The following KIRREL3 variants were observed in gnomAD, a reference collection of about 807,000 sequenced individuals.
KIRREL3 encodes kirre like nephrin family adhesion molecule 3, also known as kin of IRRE-like protein 3.
Under a neutral mutation model 89.7 loss-of-function variants are expected in KIRREL3, and 36 were observed. The ratio of observed to expected loss-of-function variants is 0.40; its 90% CI spans 0.31 to 0.53. The LOEUF (loss-of-function observed/expected upper bound fraction) is 0.53. Ranked by LOEUF, KIRREL3 falls within the 20% of genes least tolerant of loss-of-function variation. The pLI is 0.49. For synonymous variants in KIRREL3, 445 were observed against 441.4 expected, an observed-to-expected ratio of 1.01 and a Z score of -0.10; for missense variants, 864 against 1,056.6, an observed-to-expected ratio of 0.82 and a Z score of 2.53.
intron 5 of KIRREL3, among the ~76,000 whole-genome samples, chr11:126,469,235 T>C (rs1188142124): frequency 1.3e-5 from 2 of 152,232 alleles, no homozygotes; most frequent in Non-Finnish European, 2.9e-5. Context: ...TCATCCACCA[T>C]GTGACAGCCA....
rs569873770 is a variant in KIRREL3, at chr11:126,574,092, T to C, written c.56-11180A>G. On this transcript the variant is annotated intron_variant, in intron 1 of 16. Transcript: ENST00000525144. The surrounding 1 kb of genome is among the most constrained non-coding windows in gnomAD (Gnocchi z 5.3). The stretch of plus-strand genomic sequence containing the variant: ...GGACTAGAACATCGGTTGCGGAATG[T>C]GGAAACCAGGTTAACTGAGTATTAT... Among the ~76,000 whole-genome samples, 2 of 152,342 alleles carry C rather than the reference T, an allele frequency of 1.3e-5. No homozygotes were observed. The highest frequency in any genetic ancestry group is 4.8e-5 in the African/African-American group (2 of 41,578).
rs1006034371 is a variant in KIRREL3 at position 126,526,975 on chromosome 11, T to A, written c.134-288A>T. On this transcript the variant is annotated intron_variant, in intron 2 of 16. Transcript: ENST00000525144. This position sits in a 1 kb window ranked among gnomAD's most constrained non-coding sequence, Gnocchi z 5.7. ...CCCTATGGGCCATCTCCCTCCACCTTTGGGACGTGCCACTTCCCATGCATT... is the reference window on the plus strand; with the variant it reads ...CCCTATGGGCCATCTCCCTCCACCTATGGGACGTGCCACTTCCCATGCATT... 1.3e-5 allele frequency among the ~76,000 whole-genome samples: 2 copies of A among 152,148 alleles called. No individual in the cohort carries two copies. The highest frequency in any genetic ancestry group is 2.4e-5 in the African/African-American group (1 of 41,424).
At chr11:126,478,753 GTGTA>G (rs1591608183) in intron 4 of KIRREL3, among the ~76,000 whole-genome samples, 1 of 151,904 alleles carries the variant, frequency 6.6e-6, no homozygotes. Context: ...AAGTGTGTGT[GTGTA>G]TATGTGTGTG....
At chr11:126,864,571 G>A (rs906136908) in intron 1 of KIRREL3, among the ~76,000 whole-genome samples, 1 of 152,094 alleles carries the variant, frequency 6.6e-6, no homozygotes, top group African/African-American at 2.4e-5. Flanking sequence ...ACTGGTCTTG[G>A]GTAGTCTCCA....
intron 1 of KIRREL3, among the ~76,000 whole-genome samples, chr11:126,893,795 A>G (rs1946024416): frequency 2.0e-5 from 3 of 152,240 alleles, no homozygotes; most frequent in Admixed American, 1.3e-4. Flanking sequence ...CTTAACATTC[A>G]TAGTTTCATG....
At position 126,611,422 on chromosome 11, in the gene KIRREL3, C is replaced by G. The variant is rs567792072; in HGVS notation, c.56-48510G>C. 6.6e-6 allele frequency among the ~76,000 whole-genome samples: 1 copy of G among 152,278 alleles called. No individual in the cohort carries two copies. The highest frequency in any genetic ancestry group is 6.5e-5 in the Admixed American group (1 of 15,304). ...TGATTGATCCATCAGTCTGCATTCTCCTTGCCGTCCTTGGTATGCACACAC... is the reference window on the plus strand; with the variant it reads ...TGATTGATCCATCAGTCTGCATTCTGCTTGCCGTCCTTGGTATGCACACAC... On this transcript the variant is annotated intron_variant, in intron 1 of 16. Transcript: ENST00000525144. The surrounding 1 kb of genome is among the most constrained non-coding windows in gnomAD (Gnocchi z 4.7).
intron 4 of KIRREL3, among the ~76,000 whole-genome samples, chr11:126,478,052 C>T (rs897600408): frequency 3.3e-5 from 5 of 152,252 alleles, no homozygotes; most frequent in African/African-American, 1.2e-4. Context: ...TTACGGCCCT[C>T]GCTGCCCCTG....
chr11:126,639,618 ACT>A lies in KIRREL3; in HGVS notation c.56-76708_56-76707del, dbSNP rs1821037297. Reference sequence around the variant, plus strand: ...CTGGAGATGAGATCGGCTAATCCTGACTCTATTCTTTCGTCTGCTCTGCTAGC... The same window carrying A: ...CTGGAGATGAGATCGGCTAATCCTGACTATTCTTTCGTCTGCTCTGCTAGC... On this transcript the variant is annotated intron_variant, in intron 1 of 16. Coordinates refer to ENST00000525144, the MANE Select transcript of KIRREL3 (RefSeq NM_032531.4). This position sits in a 1 kb window ranked among gnomAD's most constrained non-coding sequence, Gnocchi z 4.3. 2.0e-5 allele frequency among the ~76,000 whole-genome samples: 3 copies of A among 152,044 alleles called. No homozygotes were observed. The highest frequency in any genetic ancestry group is 2.0e-4 in the Admixed American group (3 of 15,262).
At chr11:126,596,155 A>G (rs1202265840) in intron 1 of KIRREL3, among the ~76,000 whole-genome samples, 1 of 152,152 alleles carries the variant, frequency 6.6e-6, no homozygotes, top group Non-Finnish European at 1.5e-5. Flanking sequence ...CTGTTCACCA[A>G]TCTCGAGAGT....
At chr11:126,907,541 A>G (rs758936087) in intron 1 of KIRREL3, among the ~76,000 whole-genome samples, 4 of 152,218 alleles carry the variant, frequency 2.6e-5, no homozygotes, top group Non-Finnish European at 4.4e-5. Flanking sequence ...GTTGAGAAGC[A>G]TAAGAGAACT....
Position 126,981,550 on chromosome 11 carries a change from C to T in KIRREL3, c.55+18905G>A, listed in dbSNP as rs774891835. On this transcript the variant is annotated intron_variant, in intron 1 of 16. Transcript: ENST00000525144. This position sits in a 1 kb window ranked among gnomAD's most constrained non-coding sequence, Gnocchi z 4.2. ...TTCACTGAAATGAGATCTGCCTCTA[C>T]CACCCGACTCTATGAAGCAAAGGCA... is the stretch of plus-strand genomic sequence containing the variant. Among the ~76,000 whole-genome samples, 4 of 152,322 alleles carry T rather than the reference C, an allele frequency of 2.6e-5. No individual in the cohort carries two copies. Among genetic ancestry groups the T allele is most frequent in the Non-Finnish European group, 5.9e-5 (4 of 68,018 alleles).
At chr11:126,784,648 T>C (rs1463084187) in intron 1 of KIRREL3, among the ~76,000 whole-genome samples, 1 of 149,716 alleles carries the variant, frequency 6.7e-6, no homozygotes, top group Non-Finnish European at 1.5e-5. Context: ...GGAATGAACA[T>C]AGCCTCATGT....
chr11:126,661,926 G>C (rs1233961473), intron 1 of KIRREL3, among the ~76,000 whole-genome samples: 1 of 152,168 alleles, frequency 6.6e-6, no homozygotes, highest in East Asian at 1.9e-4. Context: ...ATCAAACCCA[G>C]CCTTCGAAAC....
intron 1 of KIRREL3, among the ~76,000 whole-genome samples, chr11:126,595,643 A>G (rs980698047): frequency 1.3e-5 from 2 of 152,226 alleles, no homozygotes; most frequent in African/African-American, 4.8e-5. Context: ...AAGGAAGGCC[A>G]CACAGCTAGT....
chr11:126,680,415 T>TATATACACACAC (rs551073557), intron 1 of KIRREL3, among the ~76,000 whole-genome samples: 1 of 151,596 alleles, frequency 6.6e-6, no homozygotes, highest in African/African-American at 2.4e-5. Flanking sequence ...TATATATATA[T>TATATACACACAC]ACACATAGCC....
In KIRREL3 at chr11:126,508,220, A is replaced by G. The variant is rs1464918431; in HGVS notation, c.433+13095T>C. 6.6e-6 allele frequency among the ~76,000 whole-genome samples: 1 copy of G among 152,122 alleles called. No individual in the cohort carries two copies. The highest frequency in any genetic ancestry group is 1.5e-5 in the Non-Finnish European group (1 of 68,026). The stretch of plus-strand genomic sequence containing the variant: ...GGATCGACTTGTGAAAGTGTGACAC[A>G]TTTTTTGGAAGCCAGTTTTTTCGGG... On this transcript the variant is annotated intron_variant, in intron 4 of 16. Transcript: ENST00000525144. The surrounding 1 kb of genome is among the most constrained non-coding windows in gnomAD (Gnocchi z 4.9).
chr11:126,559,108 TC>T (rs61095084), intron 2 of KIRREL3, among the ~76,000 whole-genome samples: 3,805 of 152,214 alleles, frequency 0.025, 145 homozygotes, highest in African/African-American at 0.082. Flanking sequence ...CAGCCCTGCT[TC>T]CACGACTTGC....
At chr11:126,539,952 G>A (rs981501965) in intron 2 of KIRREL3, among the ~76,000 whole-genome samples, 4 of 152,242 alleles carry the variant, frequency 2.6e-5, no homozygotes, top group African/African-American at 7.2e-5. Flanking sequence ...CAGTCTGGGA[G>A]TGTTGGGAGT....
intron 1 of KIRREL3, among the ~76,000 whole-genome samples, chr11:126,695,865 A>G (rs1157169636): frequency 3.3e-5 from 5 of 152,180 alleles, no homozygotes; most frequent in Non-Finnish European, 7.3e-5. Context: ...TTATTTTTAA[A>G]TTTATTTTTG....
Sources: allele counts gnomAD v4.1 joint callset (sites outside exome capture counted in the v4.1 genomes callset), GRCh38; gene constraint gnomAD v4.1.1; non-coding constraint Gnocchi (gnomAD v3.1); transcripts MANE v1.5; gene names NCBI Gene and HGNC (gene_info 2026-07-23, HGNC 2026-07-21).